Variants in TYW1 observed in about 807,000 individuals in gnomAD.
TYW1 encodes tRNA-yW synthesizing protein 1 homolog, also known as S-adenosyl-L-methionine-dependent tRNA 4-demethylwyosine synthase TYW1.
A neutral mutation model predicts 96.2 loss-of-function variants in TYW1; 46 were observed. The observed-to-expected ratio is 0.48, with a 90% CI of 0.38 to 0.61. TYW1 has a LOEUF of 0.61. Ranked by LOEUF, TYW1 falls within the 20% of genes least tolerant of loss-of-function variation. The pLI is 0.00. For missense variants in TYW1, 684 were observed against 909.6 expected, an observed-to-expected ratio of 0.75 and a Z score of 3.19; for synonymous variants, 274 against 323.0, an observed-to-expected ratio of 0.85 and a Z score of 1.63.
intron 15 of TYW1, among the ~76,000 whole-genome samples, chr7:67,227,296 G>A (rs578232096): frequency 6.6e-5 from 10 of 152,032 alleles, no homozygotes; most frequent in East Asian, 5.8e-4. Context: ...TCACTCTGTC[G>A]CCCATGCTGG....
intron 13 of TYW1, among the ~76,000 whole-genome samples, chr7:67,169,969 AG>A (rs1339800975): frequency 6.6e-6 from 1 of 151,868 alleles, no homozygotes; most frequent in Non-Finnish European, 1.5e-5. Context: ...AACTTTGAAA[AG>A]TCCATTGTAT....
chr7:67,070,962 T>C (rs1248269071), intron 10 of TYW1, among the ~76,000 whole-genome samples: 1 of 152,002 alleles, frequency 6.6e-6, no homozygotes, highest in African/African-American at 2.4e-5. Flanking sequence ...AAACCCTGTC[T>C]CTTCTAAAAA....
chr7:67,014,649 G>T (rs1004187123), intron 5 of TYW1, 88 bp downstream of exon 5: 16 of 1,448,520 alleles, frequency 1.1e-5, no homozygotes, highest in African/African-American at 1.4e-5. Flanking sequence ...GTGCACACAC[G>T]CACACACACA....
Position 67,239,460 on chromosome 7 carries a change from C to G in TYW1, c.*931C>G, listed in dbSNP as rs1801995489. On this transcript the variant is annotated 3_prime_UTR_variant, in exon 16 of 16. Coordinates refer to ENST00000359626, the MANE Select transcript of TYW1 (RefSeq NM_018264.4). Reference sequence around the variant, plus strand: ...AAAATTGTTTTCAAGTTAGCAAGTTCTTTTAACAGTCTTTTATGCAAAAAT... The same window carrying G: ...AAAATTGTTTTCAAGTTAGCAAGTTGTTTTAACAGTCTTTTATGCAAAAAT... 1.1e-6 allele frequency: 1 copy of G among 931,328 alleles called. No homozygotes were observed. Among genetic ancestry groups the G allele is most frequent in the Non-Finnish European group, 1.3e-6 (1 of 780,886 alleles). The allele number at this position is 931,328 out of a possible 1,614,324, so 57.7% of individuals were successfully genotyped here.
intron 13 of TYW1, among the ~76,000 whole-genome samples, chr7:67,146,318 A>G (rs1369333498): frequency 3.3e-5 from 5 of 152,290 alleles, no homozygotes; most frequent in East Asian, 1.9e-4. Flanking sequence ...ATACTAGACC[A>G]TAAACAATGT....
rs1437169991 is a variant in TYW1 at position 67,179,146 on chromosome 7, C to T, written c.1699-3980C>T. ...GGCTCCTGGCAACTGTATTTATGCA[C>T]ATATTTACATGCAAATTAAGGGGCA... On this transcript the variant is annotated intron_variant, in intron 13 of 15. Transcript: ENST00000359626. Among the ~76,000 whole-genome samples, 2 of 136,294 alleles carry T rather than the reference C, an allele frequency of 1.5e-5. 1 individual carries two copies. The highest frequency in any genetic ancestry group is 3.2e-5 in the Non-Finnish European group (2 of 63,464). 89.4% of individuals were successfully genotyped at this position (136,294 alleles called of 152,430 possible). A position where few individuals can be genotyped will look rare whatever the true frequency, so the allele number is the denominator to read the frequency against.
chr7:67,052,067 C>T (rs572511105), intron 8 of TYW1, among the ~76,000 whole-genome samples: 41 of 152,232 alleles, frequency 2.7e-4, no homozygotes, highest in African/African-American at 8.4e-4. Flanking sequence ...CAACCCCCTG[C>T]TACTTGGAAG....
intron 13 of TYW1, among the ~76,000 whole-genome samples, chr7:67,177,657 A>G (rs140174457): frequency 0.012 from 1,896 of 152,326 alleles, 21 homozygotes; most frequent in Non-Finnish European, 0.02. Context: ...AAACAATGCA[A>G]AAGTGGTGAA....
At chr7:67,153,504 A>G in intron 13 of TYW1, among the ~76,000 whole-genome samples, 1 of 152,366 alleles carries the variant, frequency 6.6e-6, no homozygotes, top group South Asian at 2.1e-4. Flanking sequence ...ATGTAGATGT[A>G]TATTTGTACA....
intron 13 of TYW1, among the ~76,000 whole-genome samples, chr7:67,148,885 C>T (rs1186483062): frequency 3.3e-5 from 5 of 152,094 alleles, no homozygotes; most frequent in Admixed American, 3.3e-4. Context: ...AATGATATTT[C>T]CTTTGAAATT....
At chr7:67,154,602 C>G (rs1798906943) in intron 13 of TYW1, among the ~76,000 whole-genome samples, 1 of 152,128 alleles carries the variant, frequency 6.6e-6, no homozygotes. Context: ...GACACTCTTG[C>G]TGTTTTTAGA....
chr7:67,158,330 G>A (rs1384697467), intron 13 of TYW1, among the ~76,000 whole-genome samples: 3 of 151,958 alleles, frequency 2.0e-5, no homozygotes, highest in African/African-American at 7.3e-5. Context: ...CTTGTGATCT[G>A]CCCGCCTTCG....
chr7:67,096,576 C>T (rs939901605), intron 11 of TYW1, among the ~76,000 whole-genome samples: 5 of 151,760 alleles, frequency 3.3e-5, no homozygotes, highest in African/African-American at 1.2e-4. Context: ...TATATTTTTT[C>T]TTTGTTTTTT....
chr7:67,184,552 A>G (rs1011112109), intron 14 of TYW1, among the ~76,000 whole-genome samples: 3 of 149,834 alleles, frequency 2.0e-5, no homozygotes. Flanking sequence ...TTTACTAGAT[A>G]TGGTGGTTGA....
chr7:67,186,368 T>G (rs1308088440), intron 14 of TYW1, among the ~76,000 whole-genome samples: 1 of 151,280 alleles, frequency 6.6e-6, no homozygotes, highest in Admixed American at 6.6e-5. Flanking sequence ...CAACATTATT[T>G]TTTAAAGAAT....
chr7:67,060,108 C>T (rs1020278076), intron 9 of TYW1, among the ~76,000 whole-genome samples: 2 of 150,992 alleles, frequency 1.3e-5, no homozygotes, highest in African/African-American at 4.9e-5. Context: ...CTGAATCTCA[C>T]TCTGTCGCCC....
At chr7:67,012,619 A>T (rs1383327589) in intron 4 of TYW1, among the ~76,000 whole-genome samples, 2 of 152,190 alleles carry the variant, frequency 1.3e-5, no homozygotes, top group Non-Finnish European at 2.9e-5. Flanking sequence ...AAGGATACAC[A>T]GGTTGAGAAT....
chr7:67,094,646 A>T (rs1158553561), intron 11 of TYW1, among the ~76,000 whole-genome samples: 6 of 111,226 alleles, frequency 5.4e-5, no homozygotes, highest in Admixed American at 2.2e-4. Context: ...GAGAGAGAGA[A>T]TTAGAGTGTG....
chr7:67,186,030 G>A (rs1260991019), intron 14 of TYW1, among the ~76,000 whole-genome samples: 2 of 143,652 alleles, frequency 1.4e-5, no homozygotes, highest in Non-Finnish European at 3.0e-5. Context: ...TCTTGAAATT[G>A]CACTTAATTT....
Sources: gnomAD v4.1 joint callset for allele counts (sites outside exome capture counted in the v4.1 genomes callset) on GRCh38, gnomAD v4.1.1 for gene constraint, MANE v1.5 for transcripts, NCBI Gene and HGNC (gene_info 2026-07-23, HGNC 2026-07-21) for gene names.